MYO9A: variants seen among roughly 807,000 people sequenced by gnomAD.
MYO9A encodes the protein myosin IXA.
In MYO9A, 103 loss-of-function variants were observed where a neutral mutation model predicts 293.3. The ratio of observed to expected loss-of-function variants is 0.35; its 90% CI spans 0.30 to 0.41. The LOEUF is 0.41. Among genes scored for constraint, MYO9A ranks in the 10% least tolerant of loss-of-function variants. MYO9A has a pLI of 1.00. For synonymous variants in MYO9A, 1,001 were observed against 1,035.7 expected (o/e 0.97, Z 0.64); for missense variants, 2,685 against 3,033.0 (o/e 0.89, Z 2.69).
intron 9 of MYO9A, among the ~76,000 whole-genome samples, chr15:71,997,770 A>C (rs1567363822): frequency 6.6e-6 from 1 of 152,188 alleles, no homozygotes; most frequent in Non-Finnish European, 1.5e-5. Context: ...CCACAATGAG[A>C]TACCATCTCA....
chr15:72,017,115 G>T (rs1001293455), intron 6 of MYO9A, among the ~76,000 whole-genome samples: 3 of 149,074 alleles, frequency 2.0e-5, no homozygotes, highest in African/African-American at 7.4e-5. Flanking sequence ...CAACCTCCTG[G>T]GCTCAAGCAA....
intron 32 of MYO9A, among the ~76,000 whole-genome samples, chr15:71,871,257 C>A (rs1042825311): frequency 2.6e-5 from 4 of 151,506 alleles, no homozygotes; most frequent in African/African-American, 4.9e-5. Flanking sequence ...TGCGTGTGGT[C>A]CCAGCCACTC....
chr15:71,901,672 CA>C (rs1032236419), intron 22 of MYO9A, among the ~76,000 whole-genome samples: 1 of 147,120 alleles, frequency 6.8e-6, no homozygotes, highest in East Asian at 2.0e-4. Flanking sequence ...AAAAAAAAGA[CA>C]AAAAAAGGAA....
chr15:72,080,287 A>G (rs556250869), intron 1 of MYO9A, among the ~76,000 whole-genome samples: 3 of 147,818 alleles, frequency 2.0e-5, no homozygotes, highest in Non-Finnish European at 4.5e-5. Flanking sequence ...CGTACCAATC[A>G]ATAAACTAAC....
chr15:72,060,231 C>T (rs2149972382), intron 1 of MYO9A, among the ~76,000 whole-genome samples: 1 of 152,090 alleles, frequency 6.6e-6, no homozygotes, highest in South Asian at 2.1e-4. Flanking sequence ...CTTCTTTTTC[C>T]CCTTCCACCT....
At position 71,825,404 on chromosome 15, in the gene MYO9A, A is replaced by AAAT. The variant is rs1444745793; in HGVS notation, c.*1173_*1175dup. On this transcript the variant is annotated 3_prime_UTR_variant, in exon 42 of 42. Coordinates refer to ENST00000356056, the MANE Select transcript of MYO9A (RefSeq NM_006901.4). ...ACTTCAGTAACCAGAATATTAACAA[A>AAAT]AATAGCTTCAAGTAGTCCTTGATTT... 6.6e-6 allele frequency: 1 copy of AAAT among 152,186 alleles called. No homozygotes were observed. The highest frequency in any genetic ancestry group is 2.4e-5 in the African/African-American group (1 of 41,450). 9.4% of individuals were successfully genotyped at this position (152,186 alleles called of 1,614,324 possible). A position where few individuals can be genotyped will look rare whatever the true frequency, so the allele number is the denominator to read the frequency against.
chr15:72,015,601 G>A (rs552408481), intron 6 of MYO9A, among the ~76,000 whole-genome samples: 2 of 151,820 alleles, frequency 1.3e-5, no homozygotes, highest in East Asian at 3.9e-4. Context: ...CCTAATAGTT[G>A]GACCCTAAAA....
At chr15:71,894,981 G>A (rs1215710724) in intron 25 of MYO9A, among the ~76,000 whole-genome samples, 1 of 152,158 alleles carries the variant, frequency 6.6e-6, no homozygotes, top group African/African-American at 2.4e-5. Context: ...TAGATTAATT[G>A]TTCTTCCATT....
intron 19 of MYO9A, among the ~76,000 whole-genome samples, chr15:71,909,287 G>A (rs1190127529): frequency 1.3e-5 from 2 of 152,136 alleles, no homozygotes; most frequent in African/African-American, 4.8e-5. Flanking sequence ...TGTTACTGCT[G>A]GATCATATGG....
intron 2 of MYO9A, among the ~76,000 whole-genome samples, chr15:72,039,409 A>G (rs1291928537): frequency 1.3e-5 from 2 of 152,082 alleles, no homozygotes; most frequent in Non-Finnish European, 2.9e-5. Context: ...TTATATTTGT[A>G]CATTTTTCAG....
At chr15:72,053,235 A>G (rs1277649392) in intron 1 of MYO9A, among the ~76,000 whole-genome samples, 1 of 151,908 alleles carries the variant, frequency 6.6e-6, no homozygotes, top group Non-Finnish European at 1.5e-5. Context: ...CCCTGTCCCT[A>G]TTAAAAGTAC....
At chr15:71,853,807 G>A (rs2055756044) in intron 35 of MYO9A, among the ~76,000 whole-genome samples, 1 of 152,294 alleles carries the variant, frequency 6.6e-6, no homozygotes, top group African/African-American at 2.4e-5. Flanking sequence ...AGTGTAGGCA[G>A]GCAAGAAGAT....
chr15:72,109,818 C>G (rs2080711726), intron 1 of MYO9A, among the ~76,000 whole-genome samples: 1 of 151,168 alleles, frequency 6.6e-6, no homozygotes, highest in South Asian at 2.1e-4. Context: ...ATCACTTGAA[C>G]CTCGAAAGTG....
chr15:72,076,573 T>C (rs150795585), intron 1 of MYO9A, among the ~76,000 whole-genome samples: 21 of 152,274 alleles, frequency 1.4e-4, no homozygotes, highest in African/African-American at 5.1e-4. Flanking sequence ...ACGTGAAAAC[T>C]ATGAAACTTT....
intron 18 of MYO9A, among the ~76,000 whole-genome samples, chr15:71,919,464 A>G (rs571658446): frequency 6.6e-6 from 1 of 151,934 alleles, no homozygotes; most frequent in South Asian, 2.1e-4. Context: ...AATAAATAAG[A>G]GATAACCTCC....
chr15:72,092,818 G>C (rs2150653342), intron 1 of MYO9A, among the ~76,000 whole-genome samples: 1 of 151,712 alleles, frequency 6.6e-6, no homozygotes, highest in South Asian at 2.1e-4. Context: ...AACTCTACTA[G>C]CTTGCAGCCC....
intron 2 of MYO9A, among the ~76,000 whole-genome samples, chr15:72,036,922 G>GGGAT (rs2078065371): frequency 6.6e-6 from 1 of 151,942 alleles, no homozygotes; most frequent in Non-Finnish European, 1.5e-5. Context: ...TGGGGGAAGG[G>GGGAT]GGATCTCCCT....
At chr15:71,939,648 A>C (rs1160053463) in intron 15 of MYO9A, among the ~76,000 whole-genome samples, 1 of 152,234 alleles carries the variant, frequency 6.6e-6, no homozygotes, top group East Asian at 1.9e-4. Context: ...TTGAGAATTA[A>C]TGTTATAAAT....
At position 71,826,558 on chromosome 15, in the gene MYO9A, G is replaced by T. The variant is rs375648757; in HGVS notation, c.*22C>A. 1 of 1,552,692 alleles carries T rather than the reference G, an allele frequency of 6.4e-7. No homozygotes were observed. The highest frequency in any genetic ancestry group is 8.7e-7 in the Non-Finnish European group (1 of 1,154,654). ...GATTTGTTTACCACTCTGTAGCCACGGAGGGACACACATCTGCCGGTTCAG... is the reference window on the plus strand; with the variant it reads ...GATTTGTTTACCACTCTGTAGCCACTGAGGGACACACATCTGCCGGTTCAG... On this transcript the variant is annotated 3_prime_UTR_variant, in exon 42 of 42. Transcript: ENST00000356056.
Sources: gnomAD v4.1 joint callset for allele counts (sites outside exome capture counted in the v4.1 genomes callset) on GRCh38, gnomAD v4.1.1 for gene constraint, MANE v1.5 for transcripts, NCBI Gene and HGNC (gene_info 2026-07-23, HGNC 2026-07-21) for gene names.